USP38: variants seen among roughly 807,000 people sequenced by gnomAD.
USP38 encodes the protein ubiquitin specific peptidase 38.
A neutral mutation model predicts 94.3 loss-of-function variants in USP38; 49 were observed. The observed-to-expected ratio is 0.52, with a 90% confidence interval of 0.41 to 0.66. The LOEUF (loss-of-function observed/expected upper bound fraction) is 0.66, where lower values mean the gene tolerates loss of function less well. Among genes scored for constraint, USP38 ranks in the 30% least tolerant of loss-of-function variants. USP38 has a pLI of 0.00. For missense variants in USP38, 1,128 were observed against 1,229.4 expected, an observed-to-expected ratio of 0.92 and a Z score of 1.23; for synonymous variants, 468 against 463.6, an observed-to-expected ratio of 1.01 and a Z score of -0.12.
chr4:143,214,758 T>G lies in USP38; in HGVS notation c.2782T>G (p.Ser928Ala), dbSNP rs1489009945. ...DSRVTFTSFQ[S>A]VQKITSRFPK... ...TAGAGTGACATTTACTTCATTTCAG[T>G]CAGTCCAGAAAATTACGAGCAGGTT... Residue 928 changes from serine (S) to alanine (A), a missense_variant, in exon 9 of 10, where the codon TCA becomes GCA. Transcript: ENST00000307017. 6.2e-7 allele frequency: 1 copy of G among 1,613,778 alleles called. No individual in the cohort carries two copies. Among genetic ancestry groups the G allele is most frequent in the East Asian group, 2.2e-5 (1 of 44,864 alleles).
chr4:143,216,130 G>T (rs1167398226), intron 9 of USP38, among the ~76,000 whole-genome samples: 1 of 152,070 alleles, frequency 6.6e-6, no homozygotes, highest in African/African-American at 2.4e-5. Context: ...CCACTTGTTT[G>T]TAGCTTAGCT....
In USP38 at chr4:143,214,740, ACATTT is replaced by A; in HGVS notation, c.2765_2769del (p.Thr922AsnfsTer24). ...GTTTTTATTTAATGACAGTAGAGTG[ACATTT>A]ACTTCATTTCAGTCAGTCCAGAAAA... On this transcript the variant is annotated frameshift_variant, in exon 9 of 10. Coordinates refer to ENST00000307017, the MANE Select transcript of USP38 (RefSeq NM_032557.6). LOFTEE classifies it high-confidence loss of function. The A allele has an allele frequency of 1.2e-6, 2 of 1,613,778 alleles. No homozygotes were observed. The highest frequency in any genetic ancestry group is 1.7e-6 in the Non-Finnish European group (2 of 1,179,808).
Position 143,220,442 on chromosome 4 carries a change from A to G in USP38, c.3115A>G (p.Arg1039Gly), listed in dbSNP as rs370548539. The G allele has an allele frequency of 1.9e-6, 3 of 1,612,266 alleles. No homozygotes were observed. The highest frequency in any genetic ancestry group is 2.7e-5 in the African/African-American group (2 of 74,794). Residue 1039 changes from arginine (R) to glycine (G), a missense_variant, in exon 10 of 10, where the codon AGA (arginine) becomes GGA (glycine). Arg to Gly is a moderately radical substitution (Grantham distance 125, BLOSUM62 -2). Coordinates refer to ENST00000307017, the MANE Select transcript of USP38 (RefSeq NM_032557.6). ...TGGAGGAGGATTTAATACAGTTGGC[A>G]GACTCGTATTTTGATCCTGAGAGAG... Reference protein sequence around the residue: ...GGGGGFNTVGRLVF With the variant: ...GGGGGFNTVGGLVF
chr4:143,203,937 G>A (rs1350574925), intron 5 of USP38, among the ~76,000 whole-genome samples: 1 of 151,338 alleles, frequency 6.6e-6, no homozygotes, highest in African/African-American at 2.4e-5. Flanking sequence ...AGGAAATGGA[G>A]TTTAATAAAA....
At chr4:143,187,753 T>G (rs1731270020) in intron 1 of USP38, 73 bp from the exon 2 acceptor site, 2 of 1,475,526 alleles carry the variant, frequency 1.4e-6, no homozygotes, top group African/African-American at 1.4e-5. Flanking sequence ...TTTTTTTTTT[T>G]GTAAAGTGTT....
In USP38 at chr4:143,213,832, C is replaced by A. The variant is rs1732098183; in HGVS notation, c.1856C>A (p.Ala619Asp). Reference protein sequence around the residue: ...KVEAFTDLSLAFCPSSSLENM... With the variant: ...KVEAFTDLSLDFCPSSSLENM... ...GAAGCCTTTACAGATCTTTCGCTTG[C>A]CTTTTGTCCTTCCTCTTCTTTGGAA... Residue 619 changes from alanine to aspartate, a missense_variant, in exon 9 of 10, where the codon GCC becomes GAC. Transcript: ENST00000307017. The A allele has an allele frequency of 6.2e-7, 1 of 1,613,812 alleles. No individual in the cohort carries two copies. The highest frequency in any genetic ancestry group is 2.2e-5 in the East Asian group (1 of 44,870).
chr4:143,218,155 T>C (rs568525839), intron 9 of USP38, among the ~76,000 whole-genome samples: 56 of 152,264 alleles, frequency 3.7e-4, no homozygotes, highest in Non-Finnish European at 7.1e-4. Flanking sequence ...CTTCTTAACT[T>C]CTTAATTATT....
chr4:143,213,522 A>G, intron 8 of USP38, 59 bp from the exon 9 acceptor site: 1 of 1,444,920 alleles, frequency 6.9e-7, no homozygotes, highest in Non-Finnish European at 9.2e-7. Flanking sequence ...AATATTTTTA[A>G]ATAGAAATGA....
Position 143,186,151 on chromosome 4 carries a change from C to T in USP38, c.682+19C>T. The T allele has an allele frequency of 1.2e-6, 2 of 1,604,832 alleles. No homozygotes were observed. Among genetic ancestry groups the T allele is most frequent in the Admixed American group, 1.7e-5 (1 of 59,536 alleles). ...TCCACAGGTAAGGGTCATTATCTTTCAGAATATCTCATAAAAAATCAGTAT... is the reference window on the plus strand; with the variant it reads ...TCCACAGGTAAGGGTCATTATCTTTTAGAATATCTCATAAAAAATCAGTAT... On this transcript the variant is annotated intron_variant, in intron 1 of 9. Coordinates refer to ENST00000307017, the MANE Select transcript of USP38 (RefSeq NM_032557.6).
chr4:143,209,785 C>A, intron 7 of USP38, 128 bp downstream of exon 7: 1 of 572,018 alleles, frequency 1.7e-6, no homozygotes, highest in Non-Finnish European at 2.9e-6. Context: ...TATAACAAAT[C>A]CACTTAGAAA....
intron 7 of USP38, among the ~76,000 whole-genome samples, chr4:143,211,395 C>T (rs377362313): frequency 1.4e-4 from 22 of 152,130 alleles, no homozygotes; most frequent in East Asian, 7.7e-4. Flanking sequence ...AACAGTCTGT[C>T]AGGTAATAAG....
rs1287414082 is a variant in USP38, at chr4:143,214,260, A to G, written c.2284A>G (p.Ile762Val). Reference sequence around the variant, plus strand: ...AATCACGGAGGAACCTGAATACCTTATTCTTACTCTCCTGAGATTTTCATA... The same window carrying G: ...AATCACGGAGGAACCTGAATACCTTGTTCTTACTCTCCTGAGATTTTCATA... ...MQITEEPEYL[I>V]LTLLRFSYDQ... The change falls in exon 9 of 10, where the codon ATT (isoleucine) becomes GTT (valine). Residue 762 changes from isoleucine to valine, a missense_variant. Coordinates refer to ENST00000307017, the MANE Select transcript of USP38 (RefSeq NM_032557.6). The G allele has an allele frequency of 1.2e-6, 2 of 1,613,372 alleles. No individual in the cohort carries two copies. The highest frequency in any genetic ancestry group is 1.7e-6 in the Non-Finnish European group (2 of 1,179,790).
chr4:143,193,501 C>A (rs1731459841), intron 2 of USP38, among the ~76,000 whole-genome samples: 1 of 152,126 alleles, frequency 6.6e-6, no homozygotes, highest in African/African-American at 2.4e-5. Context: ...TGAGAATCAC[C>A]CCAACAATAG....
At chr4:143,186,197 C>T (rs1731219527) in intron 1 of USP38, 65 bp downstream of exon 1, 2 of 1,473,566 alleles carry the variant, frequency 1.4e-6, no homozygotes, top group East Asian at 2.3e-5. Context: ...TGCACACACA[C>T]ATTCACACCA....
chr4:143,213,861 A>G lies in USP38; in HGVS notation c.1885A>G (p.Met629Val), dbSNP rs571813366. 14 of 1,613,686 alleles carry G rather than the reference A, an allele frequency of 8.7e-6. No homozygotes were observed. Among genetic ancestry groups the G allele is most frequent in the Admixed American group, 3.3e-5 (2 of 59,940 alleles). Residue 629 changes from methionine to valine, a missense_variant, in exon 9 of 10, where the codon ATG becomes GTG. Transcript: ENST00000307017. The part of the protein sequence containing the change: ...AFCPSSSLEN[M>V]SVQDPASSPS... Reference sequence around the variant, plus strand: ...TTGTCCTTCCTCTTCTTTGGAAAACATGTCTGTCCAAGATCCAGCATCATC... The same window carrying G: ...TTGTCCTTCCTCTTCTTTGGAAAACGTGTCTGTCCAAGATCCAGCATCATC...
chr4:143,211,860 A>C (rs1311539225), intron 7 of USP38, among the ~76,000 whole-genome samples: 1 of 152,238 alleles, frequency 6.6e-6, no homozygotes, highest in African/African-American at 2.4e-5. Flanking sequence ...TTTTGCCTAA[A>C]GTAGGTATGC....
At chr4:143,204,465 C>T in intron 5 of USP38, 1 of 447,644 alleles carries the variant, frequency 2.2e-6, no homozygotes, top group South Asian at 1.6e-5. Context: ...TCACGGCTCA[C>T]TGCAGCCTCT....
chr4:143,195,477 T>A (rs1731516721), intron 2 of USP38, among the ~76,000 whole-genome samples: 1 of 152,246 alleles, frequency 6.6e-6, no homozygotes, highest in Non-Finnish European at 1.5e-5. Context: ...AAATAATTTA[T>A]CAGAAATTCT....
rs944272122 is a variant in USP38, at chr4:143,213,663, C to G, written c.1687C>G (p.Gln563Glu). The change falls in exon 9 of 10, where the codon CAG (glutamine) becomes GAG (glutamate). Residue 563 changes from glutamine to glutamate, a missense_variant. Transcript: ENST00000307017. ...EILECSETSL[Q>E]EVASKAAVLT... ...TCTGGAATGCAGTGAAACTTCTTTA[C>G]AGGAAGTAGCTAGTAAAGCAGCAGT... 9.9e-6 allele frequency: 16 copies of G among 1,613,334 alleles called. No homozygotes were observed. The highest frequency in any genetic ancestry group is 1.4e-5 in the Non-Finnish European group (16 of 1,179,674).
Sources: gnomAD v4.1 joint callset for allele counts (sites outside exome capture counted in the v4.1 genomes callset) on GRCh38, gnomAD v4.1.1 for gene constraint, MANE v1.5 for transcripts, NCBI Gene and HGNC (gene_info 2026-07-23, HGNC 2026-07-21) for gene names.